MACF1: variants seen among roughly 807,000 people sequenced by gnomAD.
MACF1 encodes the protein microtubule actin crosslinking factor 1.
A neutral mutation model predicts 854.8 loss-of-function variants in MACF1; 193 were observed. The ratio of observed to expected loss-of-function variants is 0.23; its 90% CI spans 0.20 to 0.25. The LOEUF (loss-of-function observed/expected upper bound fraction) is 0.25, where lower values mean the gene tolerates loss of function less well. MACF1 is among the 10% of genes least tolerant of loss of function. MACF1 has a pLI of 1.00. For synonymous variants in MACF1, 3,185 were observed against 3,226.7 expected (o/e 0.99, Z 0.44); for missense variants, 7,722 against 8,929.1 (o/e 0.86, Z 5.45).
chr1:39,336,060 A>T lies in MACF1; in HGVS notation c.9472A>T (p.Thr3158Ser). 6.2e-7 allele frequency: 1 copy of T among 1,614,042 alleles called. No individual in the cohort carries two copies. Among genetic ancestry groups the T allele is most frequent in the Non-Finnish European group, 8.5e-7 (1 of 1,180,008 alleles). Residue 3158 changes from threonine (T) to serine (S), a missense_variant, in exon 37 of 101, where the codon ACC (threonine) becomes TCC (serine). Thr to Ser is a moderately conservative substitution (Grantham distance 58). Around this residue, in one of 15 missense-constraint regions of MACF1, gnomAD observed 854 missense variants for 852.6 expected, o/e 1.00. Coordinates refer to ENST00000564288, the MANE Select transcript of MACF1 (RefSeq NM_001394062.1). The part of the protein sequence containing the change: ...DSWVTSKTKE[T>S]KHQISSSNEC... ...CTGGGTTACTTCGAAAACTAAGGAA[A>T]CCAAACATCAAATTTCCTCATCTAA...
intron 2 of MACF1, among the ~76,000 whole-genome samples, chr1:39,235,416 G>A (rs1275244626): frequency 6.6e-6 from 1 of 152,242 alleles, no homozygotes; most frequent in Non-Finnish European, 1.5e-5. Context: ...AATCAGGCAG[G>A]GAGGTTGCAG....
At chr1:39,122,208 A>G (rs1369383102) in intron 2 of MACF1, among the ~76,000 whole-genome samples, 10 of 151,408 alleles carry the variant, frequency 6.6e-5, no homozygotes, top group Non-Finnish European at 1.3e-4. Context: ...AAAGGTGATT[A>G]TGTAACATAC....
At chr1:39,129,380 G>GCGT (rs753212672) in intron 2 of MACF1, among the ~76,000 whole-genome samples, 6 of 152,164 alleles carry the variant, frequency 3.9e-5, no homozygotes, top group African/African-American at 2.4e-5. Context: ...TTAAAGGCTG[G>GCGT]CGTATTGCAG....
At chr1:39,438,075 C>CCTAGA in intron 71 of MACF1, 67 bp downstream of exon 71, 1 of 1,386,050 alleles carries the variant, frequency 7.2e-7, no homozygotes, top group Non-Finnish European at 1.0e-6. Flanking sequence ...TTATCTTCAG[C>CCTAGA]ATCCCACCAG....
rs775588967 is a variant in MACF1, at chr1:39,486,714, C to T, written c.*920C>T. The T allele has an allele frequency of 1.3e-5, 2 of 152,660 alleles. No individual in the cohort carries two copies. The highest frequency in any genetic ancestry group is 2.9e-5 in the Non-Finnish European group (2 of 68,050). 9.5% of individuals were successfully genotyped at this position (152,660 alleles called of 1,614,324 possible). A position where few individuals can be genotyped will look rare whatever the true frequency, so the allele number is the denominator to read the frequency against. On this transcript the variant is annotated 3_prime_UTR_variant, in exon 101 of 101. Coordinates refer to ENST00000564288, the MANE Select transcript of MACF1 (RefSeq NM_001394062.1). Reference sequence around the variant, plus strand: ...TGAAAATGTGGACGTAAGACAAACACGTGCTCGTCCTTTAATGGAGTTCAC... The same window carrying T: ...TGAAAATGTGGACGTAAGACAAACATGTGCTCGTCCTTTAATGGAGTTCAC...
At chr1:39,188,765 T>C (rs1280518206) in intron 2 of MACF1, among the ~76,000 whole-genome samples, 1 of 152,134 alleles carries the variant, frequency 6.6e-6, no homozygotes, top group Non-Finnish European at 1.5e-5. Context: ...CCACCATGCC[T>C]GGCTAATTTT....
rs143569098 is a variant in MACF1 at position 39,207,639 on chromosome 1, T to C, written c.109+2508T>C. Among the ~76,000 whole-genome samples, 349 of 152,308 alleles carry C rather than the reference T, an allele frequency of 2.3e-3. 3 individuals carry two copies. Among genetic ancestry groups the C allele is most frequent in the African/African-American group, 8.0e-3 (331 of 41,574 alleles). On this transcript the variant is annotated intron_variant, in intron 1 of 100. Coordinates refer to ENST00000564288, the MANE Select transcript of MACF1 (RefSeq NM_001394062.1). ...CTGGCTTTGAAACAAATATTTGTGC[T>C]ATTCTTTCAGGCTCTCGTCTCAATT...
chr1:39,088,261 C>T lies in MACF1; in HGVS notation c.220+3823C>T, dbSNP rs1057506699. 7.2e-5 allele frequency among the ~76,000 whole-genome samples: 11 copies of T among 152,198 alleles called. No homozygotes were observed. In the Middle Eastern group the frequency reaches 0.014, roughly 188 times the overall value. On this transcript the variant is annotated intron_variant, in intron 2 of 93. Coordinates refer to the MACF1 transcript ENST00000361689. ...TCCTGGGATTATAGGTGTGAGCCACCGCGCCTGGCCCGAGATGGGGTTTCA... is the reference window on the plus strand; with the variant it reads ...TCCTGGGATTATAGGTGTGAGCCACTGCGCCTGGCCCGAGATGGGGTTTCA...
Position 39,479,935 on chromosome 1 carries a change from T to C in MACF1, c.22096T>C (p.Ser7366Pro), listed in dbSNP as rs1363744620. 6.2e-7 allele frequency: 1 copy of C among 1,614,166 alleles called. No individual in the cohort carries two copies. Among genetic ancestry groups the C allele is most frequent in the Non-Finnish European group, 8.5e-7 (1 of 1,180,024 alleles). Residue 7366 changes from serine to proline, a missense_variant, in exon 98 of 101, where the codon TCC (serine) becomes CCC (proline). Ser to Pro is a moderately conservative substitution (Grantham distance 74). This residue lies in a region of MACF1 where 153 missense variants were observed against 342.5 expected (regional missense o/e 0.45). Transcript: ENST00000564288. ...GGCAGCTTCCCCTACTCGTTCCAGC[T>C]CCAGTGCTAGTCAGAGTAACCACAG... ...SRAASPTRSS[S>P]SASQSNHSCT...
intron 56 of MACF1, 96 bp from the exon 57 acceptor site, chr1:39,385,338 G>T: frequency 7.3e-7 from 1 of 1,368,278 alleles, no homozygotes; most frequent in Non-Finnish European, 1.0e-6. Context: ...AAAGTGCTGC[G>T]ATTACAGGCA....
chr1:39,477,298 C>T (rs1644927547), intron 97 of MACF1, among the ~76,000 whole-genome samples: 2 of 151,748 alleles, frequency 1.3e-5, no homozygotes, highest in Admixed American at 6.6e-5. Context: ...GATGACAGCT[C>T]ACTGCAGCCT....
At chr1:39,278,591 C>G (rs1571256932) in intron 6 of MACF1, among the ~76,000 whole-genome samples, 1 of 152,146 alleles carries the variant, frequency 6.6e-6, no homozygotes, top group Non-Finnish European at 1.5e-5. Context: ...TTTGCTTATT[C>G]AAGTTCTGTC....
chr1:39,418,888 G>A (rs1219116594), intron 58 of MACF1, among the ~76,000 whole-genome samples: 1 of 151,738 alleles, frequency 6.6e-6, no homozygotes, highest in Non-Finnish European at 1.5e-5. Flanking sequence ...CAGTAACAAA[G>A]ATAAAAGTGT....
intron 2 of MACF1, among the ~76,000 whole-genome samples, chr1:39,163,437 CA>C (rs1287764657): frequency 2.0e-5 from 3 of 151,572 alleles, no homozygotes; most frequent in South Asian, 2.1e-4. Flanking sequence ...TGATATTACC[CA>C]AGACAAAATT....
intron 2 of MACF1, among the ~76,000 whole-genome samples, chr1:39,096,365 C>G (rs190942114): frequency 1.3e-5 from 2 of 151,468 alleles, no homozygotes; most frequent in African/African-American, 4.9e-5. Flanking sequence ...AAGTTATGAG[C>G]CAGGAACTGT....
chr1:39,335,811 A>G lies in MACF1; in HGVS notation c.9223A>G (p.Asn3075Asp). The G allele has an allele frequency of 6.2e-7, 1 of 1,614,212 alleles. No individual in the cohort carries two copies. ...TAAACAGGCCAATGAAGGAAAAGTAAACAATTTAAGTCTCTGCTTGACTTT... is the reference window on the plus strand; with the variant it reads ...TAAACAGGCCAATGAAGGAAAAGTAGACAATTTAAGTCTCTGCTTGACTTT... ...SSKQANEGKV[N>D]NLSLCLTLKP... Residue 3075 changes from asparagine to aspartate, a missense_variant, in exon 37 of 101, where the codon AAC becomes GAC. By Grantham distance (23) the Asn-to-Asp change is conservative (BLOSUM62 1). Around this residue, in one of 15 missense-constraint regions of MACF1, gnomAD observed 854 missense variants for 852.6 expected, o/e 1.00. Coordinates refer to ENST00000564288, the MANE Select transcript of MACF1 (RefSeq NM_001394062.1).
intron 2 of MACF1, among the ~76,000 whole-genome samples, chr1:39,173,351 A>AAAAAAAAAAAAAAAG (rs1553155692): frequency 7.9e-6 from 1 of 126,236 alleles, no homozygotes; most frequent in Non-Finnish European, 1.6e-5. Context: ...AAAAAAAAAA[A>AAAAAAAAAAAAAAAG]AAAGAAAGAA....
intron 2 of MACF1, among the ~76,000 whole-genome samples, chr1:39,248,916 G>A (rs1195792951): frequency 1.3e-5 from 2 of 151,842 alleles, no homozygotes; most frequent in African/African-American, 4.8e-5. Flanking sequence ...TTGTAGAGAA[G>A]GGGGTCTCCC....
chr1:39,350,513 A>G (rs1203952235), intron 42 of MACF1, among the ~76,000 whole-genome samples: 1 of 152,240 alleles, frequency 6.6e-6, no homozygotes, highest in East Asian at 1.9e-4. Context: ...CTTTATGGAA[A>G]GAATGATCTC....
Sources: gnomAD v4.1 joint callset for allele counts (sites outside exome capture counted in the v4.1 genomes callset) on GRCh38, gnomAD v4.1.1 for gene constraint, gnomAD v4.1.1 regional missense constraint, MANE v1.5 for transcripts, NCBI Gene and HGNC (gene_info 2026-07-23, HGNC 2026-07-21) for gene names.